The following GRID2 variants were observed in gnomAD, a reference collection of about 807,000 sequenced individuals.
The protein encoded by GRID2 is glutamate receptor ionotropic, delta-2.
A neutral mutation model predicts 114.8 loss-of-function variants in GRID2; 33 were observed. That is an observed-to-expected ratio of 0.29 (90% confidence interval 0.22 to 0.38). The LOEUF (loss-of-function observed/expected upper bound fraction) is 0.38, where lower values mean the gene tolerates loss of function less well. Ranked by LOEUF, GRID2 falls within the 10% of genes least tolerant of loss-of-function variation. GRID2 has a pLI of 1.00. For missense variants in GRID2, 1,184 were observed against 1,257.7 expected, an observed-to-expected ratio of 0.94 and a Z score of 0.89; for synonymous variants, 505 against 449.9, an observed-to-expected ratio of 1.12 and a Z score of -1.55.
At chr4:93,706,853 A>T (rs74391269) in intron 14 of GRID2, among the ~76,000 whole-genome samples, 6,400 of 152,162 alleles carry the variant, frequency 0.042, 216 homozygotes, top group African/African-American at 0.084. Context: ...TAGGTTTGTC[A>T]TATATAGCTT....
At chr4:92,452,901 ATATG>A (rs1721009984) in intron 1 of GRID2, among the ~76,000 whole-genome samples, 1 of 147,922 alleles carries the variant, frequency 6.8e-6, no homozygotes, top group Non-Finnish European at 1.5e-5. Context: ...CCATATATAT[ATATG>A]TATGTTTCTA....
chr4:92,373,901 C>G (rs1340641136), intron 1 of GRID2, among the ~76,000 whole-genome samples: 2 of 152,098 alleles, frequency 1.3e-5, no homozygotes, highest in African/African-American at 4.8e-5. Flanking sequence ...AAAGGTCATA[C>G]AGCTAGTAAG....
At chr4:92,709,836 A>G (rs922291341) in intron 2 of GRID2, among the ~76,000 whole-genome samples, 2 of 151,846 alleles carry the variant, frequency 1.3e-5, no homozygotes, top group African/African-American at 2.4e-5. Flanking sequence ...AGTTGGATCA[A>G]GACTACAGAT....
intron 3 of GRID2, 57 bp downstream of exon 3, chr4:93,085,336 T>C: frequency 7.5e-7 from 1 of 1,328,356 alleles, no homozygotes; most frequent in South Asian, 1.2e-5. Flanking sequence ...GAGAAGCAAA[T>C]TCATTAAATC....
At chr4:93,280,754 A>G (rs907344087) in intron 8 of GRID2, among the ~76,000 whole-genome samples, 1 of 152,016 alleles carries the variant, frequency 6.6e-6, no homozygotes, top group Non-Finnish European at 1.5e-5. Flanking sequence ...AATCTTGAAG[A>G]AAATCTAATT....
chr4:92,310,104 T>TA (rs1221334200), intron 1 of GRID2, among the ~76,000 whole-genome samples: 2 of 152,054 alleles, frequency 1.3e-5, no homozygotes, highest in Non-Finnish European at 2.9e-5. Context: ...TGGTTAATTG[T>TA]ATGCATTGTA....
At position 92,593,270 on chromosome 4, in the gene GRID2, T is replaced by C. The variant is rs766558017; in HGVS notation, c.244+2984T>C. Among the ~76,000 whole-genome samples, 72 of 152,016 alleles carry C rather than the reference T, an allele frequency of 4.7e-4. 1 individual carries two copies. Among genetic ancestry groups the C allele is most frequent in the Non-Finnish European group, 1.3e-4 (9 of 67,914 alleles). ...AGGGATCACTCAGAGGTTAGATAAG[T>C]AAAATCTAATAGCTTGAAATCCTCA... On this transcript the variant is annotated intron_variant, in intron 2 of 15. Coordinates refer to ENST00000282020, the MANE Select transcript of GRID2 (RefSeq NM_001510.4).
intron 1 of GRID2, among the ~76,000 whole-genome samples, chr4:92,311,683 A>G (rs1439039001): frequency 1.3e-5 from 2 of 152,084 alleles, no homozygotes; most frequent in African/African-American, 2.4e-5. Flanking sequence ...TGCTTCATTA[A>G]TAAAGTCATT....
chr4:93,452,448 T>C (rs1722780932), intron 10 of GRID2, among the ~76,000 whole-genome samples: 1 of 152,156 alleles, frequency 6.6e-6, no homozygotes. Flanking sequence ...GCTCAATCTC[T>C]TTGATTTCAT....
At chr4:92,409,780 C>T (rs1731208468) in intron 1 of GRID2, among the ~76,000 whole-genome samples, 1 of 152,112 alleles carries the variant, frequency 6.6e-6, no homozygotes, top group Non-Finnish European at 1.5e-5. Context: ...AACATCCCTG[C>T]AGAAATTCTG....
At chr4:93,688,769 T>C (rs1726293430) in intron 14 of GRID2, among the ~76,000 whole-genome samples, 1 of 152,070 alleles carries the variant, frequency 6.6e-6, no homozygotes, top group Non-Finnish European at 1.5e-5. Flanking sequence ...AATAACATTA[T>C]ACTGTCCATT....
At chr4:93,514,404 C>T (rs1040924827) in intron 12 of GRID2, among the ~76,000 whole-genome samples, 19 of 148,900 alleles carry the variant, frequency 1.3e-4, no homozygotes, top group African/African-American at 4.8e-4. Context: ...ATAGAAATCG[C>T]TCCCCCCACC....
intron 2 of GRID2, among the ~76,000 whole-genome samples, chr4:92,892,176 G>A (rs1055249441): frequency 6.6e-6 from 1 of 151,792 alleles, no homozygotes; most frequent in Non-Finnish European, 1.5e-5. Context: ...CAATTCTCTT[G>A]CCTAAGCCTC....
intron 2 of GRID2, among the ~76,000 whole-genome samples, chr4:92,885,693 T>C (rs1746322006): frequency 6.6e-6 from 1 of 152,238 alleles, no homozygotes; most frequent in South Asian, 2.1e-4. Flanking sequence ...TTTTGATTGA[T>C]AGTCAGTTAA....
At chr4:92,552,709 G>T (rs1726656856) in intron 1 of GRID2, among the ~76,000 whole-genome samples, 1 of 152,294 alleles carries the variant, frequency 6.6e-6, no homozygotes, top group East Asian at 1.9e-4. Flanking sequence ...ATAGGGAGTT[G>T]AAGTTTTGGG....
At chr4:93,490,896 G>A in intron 12 of GRID2, 119 bp downstream of exon 12, 2 of 666,410 alleles carry the variant, frequency 3.0e-6, no homozygotes, top group South Asian at 4.6e-5. Flanking sequence ...TTTGAGTAAA[G>A]GATCAATTTT....
At chr4:92,414,990 G>C (rs780442748) in intron 1 of GRID2, among the ~76,000 whole-genome samples, 45 of 152,056 alleles carry the variant, frequency 3.0e-4, no homozygotes, top group Middle Eastern at 3.4e-3. Context: ...TGTTACGGTA[G>C]TCAGAGCATG....
chr4:92,578,733 A>AATCTATCTATCT (rs75145260), intron 1 of GRID2, among the ~76,000 whole-genome samples: 36 of 149,450 alleles, frequency 2.4e-4, no homozygotes, highest in African/African-American at 7.2e-4. Flanking sequence ...TCTATCTATC[A>AATCTATCTATCT]ATCTATCTAT....
intron 2 of GRID2, among the ~76,000 whole-genome samples, chr4:92,866,851 G>GATGTTATC (rs1215349251): frequency 1.3e-5 from 2 of 152,100 alleles, no homozygotes; most frequent in Admixed American, 6.6e-5. Context: ...GCTCCCGGCC[G>GATGTTATC]ATGTTATCCT....
Sources: allele counts gnomAD v4.1 joint callset (sites outside exome capture counted in the v4.1 genomes callset), GRCh38; gene constraint gnomAD v4.1.1; transcripts MANE v1.5; gene names NCBI Gene and HGNC (gene_info 2026-07-23, HGNC 2026-07-21).